The following UBE2W variants were observed in gnomAD, a reference collection of about 807,000 sequenced individuals.
UBE2W encodes the protein ubiquitin-conjugating enzyme E2 W.
A neutral mutation model predicts 27.2 loss-of-function variants in UBE2W; 18 were observed. That is an observed-to-expected ratio of 0.66 (90% confidence interval 0.46 to 0.98). UBE2W has a LOEUF of 0.98. Among genes scored for constraint, UBE2W ranks in the 50% least tolerant of loss-of-function variants. The probability of loss-of-function intolerance (pLI) is 0.00; values close to 1 mark genes in which losing one functional copy is unlikely to be tolerated. For synonymous variants in UBE2W, 53 were observed against 57.2 expected (o/e 0.93, Z 0.33); for missense variants, 90 against 180.2 (o/e 0.50, Z 2.87).
chr8:73,864,894 G>T (rs1269981733), intron 1 of UBE2W, among the ~76,000 whole-genome samples: 2 of 151,926 alleles, frequency 1.3e-5, no homozygotes, highest in African/African-American at 2.4e-5. Context: ...GAGCCACCAT[G>T]CCTGGCCTCT....
chr8:73,793,793 C>A lies in UBE2W; in HGVS notation c.*309G>T. 9.2e-7 allele frequency: 1 copy of A among 1,086,808 alleles called. No individual in the cohort carries two copies. The highest frequency in any genetic ancestry group is 5.8e-5 in the East Asian group (1 of 17,226). The allele number at this position is 1,086,808 out of a possible 1,614,324, so 67.3% of individuals were successfully genotyped here. On this transcript the variant is annotated 3_prime_UTR_variant, in exon 6 of 6. Transcript: ENST00000602593. Reference sequence around the variant, plus strand: ...ACCGCCAAGGAAGTCATTGTTATTGCACAATACATGAGGACCTGGAGCTTT... The same window carrying A: ...ACCGCCAAGGAAGTCATTGTTATTGAACAATACATGAGGACCTGGAGCTTT...
chr8:73,865,072 G>A (rs1811690930), intron 1 of UBE2W, among the ~76,000 whole-genome samples: 1 of 149,164 alleles, frequency 6.7e-6, no homozygotes, highest in Non-Finnish European at 1.5e-5. Context: ...GCACAAAAAA[G>A]CGAAATAATG....
chr8:73,822,096 C>T (rs1054800618), intron 3 of UBE2W, among the ~76,000 whole-genome samples: 3 of 152,158 alleles, frequency 2.0e-5, no homozygotes, highest in African/African-American at 7.2e-5. Context: ...CTAAAATCTA[C>T]CACAGACCCC....
chr8:73,788,809 G>A lies in UBE2W; in HGVS notation c.*5293C>T, dbSNP rs973339836. 2 of 985,182 alleles carry A rather than the reference G, an allele frequency of 2.0e-6. No homozygotes were observed. The highest frequency in any genetic ancestry group is 6.2e-5 in the Admixed American group (1 of 16,240). 61.0% of individuals were successfully genotyped at this position (985,182 alleles called of 1,614,324 possible). A position where few individuals can be genotyped will look rare whatever the true frequency, so the allele number is the denominator to read the frequency against. ...AAAACCCAGAGAGTGTATGTGCCAAGGACTAGAACAAGAATTGGATCTCTC... is the reference window on the plus strand; with the variant it reads ...AAAACCCAGAGAGTGTATGTGCCAAAGACTAGAACAAGAATTGGATCTCTC... On this transcript the variant is annotated 3_prime_UTR_variant, in exon 6 of 6. Transcript: ENST00000602593.
chr8:73,793,276 A>G lies in UBE2W; in HGVS notation c.*826T>C. ...TACAAATAACAAGCCCAAATTATGG[A>G]CTGCAGCAATTTAATCATCACTGCC... On this transcript the variant is annotated 3_prime_UTR_variant, in exon 6 of 6. Transcript: ENST00000602593. The G allele has an allele frequency of 1.0e-6, 1 of 985,848 alleles. No homozygotes were observed. Among genetic ancestry groups the G allele is most frequent in the Admixed American group, 6.1e-5 (1 of 16,280 alleles). 61.1% of individuals were successfully genotyped at this position (985,848 alleles called of 1,614,324 possible). A position where few individuals can be genotyped will look rare whatever the true frequency, so the allele number is the denominator to read the frequency against.
At chr8:73,801,415 A>G (rs2130856805) in intron 5 of UBE2W, among the ~76,000 whole-genome samples, 2 of 152,330 alleles carry the variant, frequency 1.3e-5, no homozygotes, top group Middle Eastern at 6.8e-3. Context: ...TGTACTTTTA[A>G]AAAAACTCAT....
intron 1 of UBE2W, among the ~76,000 whole-genome samples, chr8:73,848,775 C>G (rs1810929102): frequency 6.6e-6 from 1 of 152,130 alleles, no homozygotes; most frequent in African/African-American, 2.4e-5. Context: ...ATAAGGGAGG[C>G]TTCCAAGGTG....
chr8:73,791,678 G>A lies in UBE2W; in HGVS notation c.*2424C>T. 1 of 985,140 alleles carries A rather than the reference G, an allele frequency of 1.0e-6. No homozygotes were observed. The highest frequency in any genetic ancestry group is 1.1e-4 in the East Asian group (1 of 8,810). 61.0% of individuals were successfully genotyped at this position (985,140 alleles called of 1,614,324 possible). A position where few individuals can be genotyped will look rare whatever the true frequency, so the allele number is the denominator to read the frequency against. On this transcript the variant is annotated 3_prime_UTR_variant, in exon 6 of 6. Transcript: ENST00000602593. ...TATAAATTAAATCTAAGTGCAAGGAGTTTTCAATGATTCCTAAATTCAAGA... is the reference window on the plus strand; with the variant it reads ...TATAAATTAAATCTAAGTGCAAGGAATTTTCAATGATTCCTAAATTCAAGA...
chr8:73,841,736 C>G (rs968660240), intron 1 of UBE2W, among the ~76,000 whole-genome samples: 1 of 152,172 alleles, frequency 6.6e-6, no homozygotes, highest in Admixed American at 6.5e-5. Context: ...AACGCAGGAA[C>G]TCTGAAATGT....
chr8:73,873,308 T>C (rs1812083555), intron 1 of UBE2W, among the ~76,000 whole-genome samples: 2 of 152,284 alleles, frequency 1.3e-5, no homozygotes, highest in African/African-American at 2.4e-5. Context: ...ACAACAGTAA[T>C]GTCTGTAAGA....
At chr8:73,867,347 C>T (rs1811820316) in intron 1 of UBE2W, among the ~76,000 whole-genome samples, 1 of 152,088 alleles carries the variant, frequency 6.6e-6, no homozygotes, top group African/African-American at 2.4e-5. Context: ...CTATCCTGGC[C>T]AACACGGTGA....
chr8:73,819,719 A>G (rs1334533050), intron 3 of UBE2W, among the ~76,000 whole-genome samples: 2 of 152,196 alleles, frequency 1.3e-5, no homozygotes, highest in Non-Finnish European at 2.9e-5. Flanking sequence ...TTTAAGGCAA[A>G]TGACTGAGCC....
downstream of UBE2W, among the ~76,000 whole-genome samples, chr8:73,785,246 A>C (rs1390577131): frequency 6.6e-6 from 1 of 152,030 alleles, no homozygotes; most frequent in African/African-American, 2.4e-5. Flanking sequence ...CCCGGGTTCA[A>C]GCAATTCTTG....
At position 73,792,577 on chromosome 8, in the gene UBE2W, CT is replaced by C. The variant is rs1310567341; in HGVS notation, c.*1524del. 6 of 985,588 alleles carry C rather than the reference CT, an allele frequency of 6.1e-6. No homozygotes were observed. Among genetic ancestry groups the C allele is most frequent in the Non-Finnish European group, 7.2e-6 (6 of 829,828 alleles). The allele number at this position is 985,588 out of a possible 1,614,324, so 61.1% of individuals were successfully genotyped here. ...TATTTCAAACCTTTCAGCCAACTGG[CT>C]TTCAGTTTTAAGCCCAAATTGATTC... On this transcript the variant is annotated 3_prime_UTR_variant, in exon 6 of 6. Coordinates refer to ENST00000602593, the MANE Select transcript of UBE2W (RefSeq NM_018299.6).
Position 73,788,129 on chromosome 8 carries a change from C to T in UBE2W, c.*5973G>A. ...TAGTATTCAAGTCTACAGAAAAAAT[C>T]CAATAACAACTGCTTTATTATTAAA... On this transcript the variant is annotated 3_prime_UTR_variant, in exon 6 of 6. Transcript: ENST00000602593. 1.0e-6 allele frequency: 1 copy of T among 982,660 alleles called. No individual in the cohort carries two copies. Among genetic ancestry groups the T allele is most frequent in the Non-Finnish European group, 1.2e-6 (1 of 827,504 alleles). The allele number at this position is 982,660 out of a possible 1,614,324, so 60.9% of individuals were successfully genotyped here. A position where few individuals can be genotyped will look rare whatever the true frequency, so the allele number is the denominator to read the frequency against.
rs915223135 is a variant in UBE2W, at chr8:73,828,291, A to C, written c.107+2090T>G. 3.3e-5 allele frequency among the ~76,000 whole-genome samples: 5 copies of C among 152,166 alleles called. No homozygotes were observed. The South Asian group carries it at 1.0e-3, about 32-fold the overall frequency. On this transcript the variant is annotated intron_variant, in intron 2 of 5. Coordinates refer to ENST00000602593, the MANE Select transcript of UBE2W (RefSeq NM_018299.6). ...CTGGAGGAAAAACTGGCTTTGGTGG[A>C]TTTATTAAAAGAGGATACATACCAG...
At chr8:73,840,404 C>T (rs1468007596) in intron 1 of UBE2W, among the ~76,000 whole-genome samples, 1 of 152,186 alleles carries the variant, frequency 6.6e-6, no homozygotes, top group Non-Finnish European at 1.5e-5. Context: ...TAATTCATTT[C>T]TGAAAGTATT....
intron 5 of UBE2W, among the ~76,000 whole-genome samples, chr8:73,799,890 C>G (rs1808567057): frequency 6.6e-6 from 1 of 152,086 alleles, no homozygotes; most frequent in Admixed American, 6.6e-5. Flanking sequence ...CATCAAGAGT[C>G]CATATGTCTT....
downstream of UBE2W, among the ~76,000 whole-genome samples, chr8:73,785,495 C>T (rs1486769861): frequency 6.6e-6 from 1 of 152,168 alleles, no homozygotes; most frequent in Non-Finnish European, 1.5e-5. Flanking sequence ...AGGTTGGTTA[C>T]ACAGATCCAT....
Sources: allele counts gnomAD v4.1 joint callset (sites outside exome capture counted in the v4.1 genomes callset), GRCh38; gene constraint gnomAD v4.1.1; transcripts MANE v1.5; gene names NCBI Gene and HGNC (gene_info 2026-07-23, HGNC 2026-07-21).